VARS1: variants seen among roughly 807,000 people sequenced by gnomAD.
The protein encoded by VARS1 is valine--tRNA ligase.
A neutral mutation model predicts 161.0 loss-of-function variants in VARS1; 92 were observed. That is an observed-to-expected ratio of 0.57 (90% CI 0.48 to 0.68). The LOEUF (loss-of-function observed/expected upper bound fraction) is 0.68. Ranked by LOEUF, VARS1 falls within the 30% of genes least tolerant of loss-of-function variation. The pLI is 0.00. For synonymous variants in VARS1, 595 were observed against 682.5 expected (o/e 0.87, Z 2.00); for missense variants, 1,338 against 1,695.9 (o/e 0.79, Z 3.71).
In VARS1 at chr6:31,780,236, C is replaced by T. The variant is rs539995132; in HGVS notation, c.2926-83G>A. 46 of 1,578,480 alleles carry T rather than the reference C, an allele frequency of 2.9e-5. No homozygotes were observed. The Middle Eastern group carries it at 6.0e-4, about 21-fold the overall frequency. On this transcript the variant is annotated intron_variant, in intron 25 of 29. Coordinates refer to ENST00000375663, the MANE Select transcript of VARS1 (RefSeq NM_006295.3). The surrounding 1 kb of genome is among the most constrained non-coding windows in gnomAD (Gnocchi z 5.1). The stretch of plus-strand genomic sequence containing the variant: ...GGGGCAGGAGTCATGGGCAAATCTT[C>T]ATCCAGAGTCTGATGAGTCCAAAGC...
At position 31,777,661 on chromosome 6, in the gene VARS1, A is replaced by G; in HGVS notation, c.3728T>C (p.Leu1243Pro). The change falls in exon 30 of 30, where the codon CTC becomes CCC. Residue 1243 changes from leucine to proline, a missense_variant and splice_region_variant. Physicochemically the swap from Leu to Pro is moderately conservative, Grantham distance 98 (BLOSUM62 -3). Transcript: ENST00000375663. The surrounding 1 kb of genome is among the most constrained non-coding windows in gnomAD (Gnocchi z 5.8). ...CCTGAGCTCTGCTTCTGTCTGTTGG[A>G]GCTGGAGTGGAACCAGGGGGTGGGT... is the stretch of plus-strand genomic sequence containing the variant. ...LEVQEADEAKLQQTEAELRKV... is the reference protein window; with the variant it reads ...LEVQEADEAKPQQTEAELRKV... 1 of 1,613,384 alleles carries G rather than the reference A, an allele frequency of 6.2e-7. No homozygotes were observed. Among genetic ancestry groups the G allele is most frequent in the African/African-American group, 1.3e-5 (1 of 74,980 alleles).
chr6:31,791,950 T>G lies in VARS1; in HGVS notation c.893A>C (p.Asp298Ala), dbSNP rs1813896220. 6.3e-7 allele frequency: 1 copy of G among 1,597,230 alleles called. No individual in the cohort carries two copies. The highest frequency in any genetic ancestry group is 8.5e-7 in the Non-Finnish European group (1 of 1,170,758). Residue 298 changes from aspartate to alanine, a missense_variant, in exon 7 of 30, where the codon GAC (aspartate) becomes GCC (alanine). This residue lies in a region of VARS1 where 902 missense variants were observed against 1,090.3 expected (regional missense o/e 0.83). Transcript: ENST00000375663. This position sits in a 1 kb window ranked among gnomAD's most constrained non-coding sequence, Gnocchi z 5.0. The stretch of plus-strand genomic sequence containing the variant: ...CTCCACATACCGAGGGCTGTAGGAG[T>G]CGGGCATGGGGCCACTGACATCTGG... ...EKKDVSGPMP[D>A]SYSPRYVEAA...
At chr6:31,788,924 G>T (rs1813696728) in intron 8 of VARS1, among the ~76,000 whole-genome samples, 1 of 152,010 alleles carries the variant, frequency 6.6e-6, no homozygotes, top group African/African-American at 2.4e-5. Context: ...TCAGAGCAGA[G>T]GTGGCACATA....
In VARS1 at chr6:31,791,612, T is replaced by C; in HGVS notation, c.1098A>G (p.Arg366=). The C allele has an allele frequency of 6.2e-7, 1 of 1,609,572 alleles. No individual in the cohort carries two copies. The highest frequency in any genetic ancestry group is 8.5e-7 in the Non-Finnish European group (1 of 1,178,014). ...GGAAGGTGCAGATAGAAGCTCACCA[T>C]CGAGTCAGGGAGTCCTGGATGGCGT... ...LTNAIQDSLT[R]WHRMRGETTL... The change falls in exon 8 of 30, where the codon CGA becomes CGG. Residue 366 remains arginine, a splice_region_variant and synonymous_variant. Coordinates refer to ENST00000375663, the MANE Select transcript of VARS1 (RefSeq NM_006295.3). This position sits in a 1 kb window ranked among gnomAD's most constrained non-coding sequence, Gnocchi z 5.0.
At position 31,782,713 on chromosome 6, in the gene VARS1, A is replaced by G. The variant is rs1393495292; in HGVS notation, c.1887+8T>C. 1 of 1,612,992 alleles carries G rather than the reference A, an allele frequency of 6.2e-7. No individual in the cohort carries two copies. The highest frequency in any genetic ancestry group is 1.7e-5 in the Admixed American group (1 of 60,028). On this transcript the variant is annotated splice_region_variant and intron_variant, in intron 15 of 29. Transcript: ENST00000375663. This position sits in a 1 kb window ranked among gnomAD's most constrained non-coding sequence, Gnocchi z 8.3. Reference sequence around the variant, plus strand: ...TGACCCGGGCACTCTTGCCTCAGGCAGCCTCACCAGGAAAGGCGGAGGCAC... The same window carrying G: ...TGACCCGGGCACTCTTGCCTCAGGCGGCCTCACCAGGAAAGGCGGAGGCAC...
rs1042728852 is a variant in VARS1, at chr6:31,792,697, G to A, written c.661+60C>T. On this transcript the variant is annotated intron_variant, in intron 4 of 29. Coordinates refer to ENST00000375663, the MANE Select transcript of VARS1 (RefSeq NM_006295.3). ...CTGCCATTTCTAGGAAAAAAAGAAA[G>A]TGAGTTGCATGGAAGGCCCCAGGGA... 4.7e-5 allele frequency: 75 copies of A among 1,602,932 alleles called. No homozygotes were observed. In the Middle Eastern group the frequency reaches 8.3e-4, roughly 18 times the overall value.
chr6:31,784,157 A>G lies in VARS1; in HGVS notation c.1671+57T>C. 6.2e-7 allele frequency: 1 copy of G among 1,602,126 alleles called. No homozygotes were observed. Among genetic ancestry groups the G allele is most frequent in the Non-Finnish European group, 8.5e-7 (1 of 1,170,754 alleles). Reference sequence around the variant, plus strand: ...CCTAAGTCCAACCCCTCCACCCCATAAGGATGGGAGCCCTTTTTGGCCAGA... The same window carrying G: ...CCTAAGTCCAACCCCTCCACCCCATGAGGATGGGAGCCCTTTTTGGCCAGA... On this transcript the variant is annotated intron_variant, in intron 13 of 29. Transcript: ENST00000375663. This position sits in a 1 kb window ranked among gnomAD's most constrained non-coding sequence, Gnocchi z 6.1.
At position 31,783,146 on chromosome 6, in the gene VARS1, C is replaced by G; in HGVS notation, c.1712G>C (p.Arg571Pro). Residue 571 changes from arginine to proline, a missense_variant, in exon 14 of 30, where the codon CGG becomes CCG. By Grantham distance (103) the Arg-to-Pro change is moderately radical. Transcript: ENST00000375663. ...GKNVIHPFLSRSLPIVFDEFV... is the reference protein window; with the variant it reads ...GKNVIHPFLSPSLPIVFDEFV... ...TTCATCGAAGACAATGGGAAGGCTCCGAGACAGGAATGGGTGGATCACGTT... is the reference window on the plus strand; with the variant it reads ...TTCATCGAAGACAATGGGAAGGCTCGGAGACAGGAATGGGTGGATCACGTT... 1 of 1,612,780 alleles carries G rather than the reference C, an allele frequency of 6.2e-7. No individual in the cohort carries two copies. Among genetic ancestry groups the G allele is most frequent in the Non-Finnish European group, 8.5e-7 (1 of 1,179,952 alleles).
At position 31,781,781 on chromosome 6, in the gene VARS1, A is replaced by G. The variant is rs930599654; in HGVS notation, c.2348-20T>C. 2 of 1,613,042 alleles carry G rather than the reference A, an allele frequency of 1.2e-6. No individual in the cohort carries two copies. The highest frequency in any genetic ancestry group is 1.7e-6 in the Non-Finnish European group (2 of 1,180,012). Reference sequence around the variant, plus strand: ...CCTCATCTGAGAGAGGCCAAAGGTCAGAGGTCAGAGGGAGTGGAGCTCTGC... The same window carrying G: ...CCTCATCTGAGAGAGGCCAAAGGTCGGAGGTCAGAGGGAGTGGAGCTCTGC... On this transcript the variant is annotated intron_variant, in intron 19 of 29. Transcript: ENST00000375663. The surrounding 1 kb of genome is among the most constrained non-coding windows in gnomAD (Gnocchi z 6.8).
Position 31,785,438 on chromosome 6 carries a change from C to G in VARS1, c.1266-111G>C. On this transcript the variant is annotated intron_variant, in intron 9 of 29. Transcript: ENST00000375663. This position sits in a 1 kb window ranked among gnomAD's most constrained non-coding sequence, Gnocchi z 6.1. ...CATCCCCCTGAAATTTACCTGGGCC[C>G]TAGAGCCAACTGACTCTGCCTCTGT... is the stretch of plus-strand genomic sequence containing the variant. The G allele has an allele frequency of 1.3e-6, 2 of 1,535,040 alleles. No individual in the cohort carries two copies. Among genetic ancestry groups the G allele is most frequent in the Non-Finnish European group, 1.8e-6 (2 of 1,131,670 alleles).
intron 8 of VARS1, among the ~76,000 whole-genome samples, chr6:31,788,813 T>C (rs973084826): frequency 6.6e-6 from 1 of 151,124 alleles, no homozygotes; most frequent in Non-Finnish European, 1.5e-5. Context: ...TGTCTCAAAA[T>C]AATAATAATA....
rs1185000043 is a variant in VARS1 at position 31,792,824 on chromosome 6, T to G, written c.594A>C (p.Pro198=). The G allele has an allele frequency of 1.9e-6, 3 of 1,614,092 alleles. No homozygotes were observed. The African/African-American group carries it at 4.0e-5, about 22-fold the overall frequency. The part of the protein sequence containing the change: ...TRWFVTCVRQ[P]EFRAVLGEVV... ...CTTCTCCTAGCACGGCTCGGAATTC[T>G]GGCTGCCGGACACACGTGACAAACC... is the stretch of plus-strand genomic sequence containing the variant. Residue 198 remains proline, a synonymous_variant, in exon 4 of 30, where the codon CCA becomes CCC. Transcript: ENST00000375663.
At position 31,782,791 on chromosome 6, in the gene VARS1, C is replaced by T. The variant is rs774262494; in HGVS notation, c.1817G>A (p.Arg606Gln). 7.4e-6 allele frequency: 12 copies of T among 1,612,896 alleles called. No homozygotes were observed. Among genetic ancestry groups the T allele is most frequent in the Middle Eastern group, 1.6e-4 (1 of 6,084 alleles). ...GATGCTGATGGCCTCCAGCCCGTGC[C>T]GCTGCCCAACTTCATAGTCATTTTG... ...HDQNDYEVGQRHGLEAISIMD... is the reference protein window; with the variant it reads ...HDQNDYEVGQQHGLEAISIMD... The change falls in exon 15 of 30, where the codon CGG becomes CAG. Residue 606 changes from arginine (R) to glutamine (Q), a missense_variant. Coordinates refer to ENST00000375663, the MANE Select transcript of VARS1 (RefSeq NM_006295.3). The surrounding 1 kb of genome is among the most constrained non-coding windows in gnomAD (Gnocchi z 8.3).
chr6:31,790,473 G>A (rs1367872992), intron 8 of VARS1, among the ~76,000 whole-genome samples: 1 of 151,670 alleles, frequency 6.6e-6, no homozygotes. Context: ...GCGGTGGCAG[G>A]TGCCTGTAAT....
chr6:31,790,104 TAA>T (rs536213828), intron 8 of VARS1, among the ~76,000 whole-genome samples: 5 of 143,874 alleles, frequency 3.5e-5, no homozygotes, highest in Non-Finnish European at 6.1e-5. Context: ...GCTGATGAGC[TAA>T]AAAAAAAAAA....
chr6:31,792,390 A>G lies in VARS1; in HGVS notation c.786+2T>C. The G allele has an allele frequency of 6.2e-7, 1 of 1,612,896 alleles. No homozygotes were observed. Among genetic ancestry groups the G allele is most frequent in the Non-Finnish European group, 8.5e-7 (1 of 1,179,760 alleles). On this transcript the variant is annotated splice_donor_variant, in intron 5 of 29. Coordinates refer to ENST00000375663, the MANE Select transcript of VARS1 (RefSeq NM_006295.3). LOFTEE classifies it high-confidence loss of function. ...TTCCTTCCAGCTCCACCCTCGCCTC[A>G]CCTCCCCTGGAGGTGGCTGCTGCTG...
At chr6:31,783,230 C>A in intron 13 of VARS1, 44 bp from the exon 14 acceptor site, 1 of 1,584,726 alleles carries the variant, frequency 6.3e-7, no homozygotes, top group South Asian at 1.1e-5. Flanking sequence ...CAGGGCCAGA[C>A]GCCGTGATTC....
At chr6:31,783,811 G>T (rs12213415) in intron 13 of VARS1, among the ~76,000 whole-genome samples, 1 of 151,838 alleles carries the variant, frequency 6.6e-6, no homozygotes, top group Non-Finnish European at 1.5e-5. Flanking sequence ...ACAGGCACCC[G>T]CCACTACAAC....
intron 8 of VARS1, among the ~76,000 whole-genome samples, chr6:31,789,112 T>C (rs897571310): frequency 4.6e-5 from 7 of 152,068 alleles, no homozygotes; most frequent in African/African-American, 1.7e-4. Context: ...CTAATTAAAA[T>C]ATTAACAGTG....
Sources: gnomAD v4.1 joint callset for allele counts (sites outside exome capture counted in the v4.1 genomes callset) on GRCh38, gnomAD v4.1.1 for gene constraint, gnomAD v4.1.1 regional missense constraint, Gnocchi (gnomAD v3.1) non-coding constraint, MANE v1.5 for transcripts, NCBI Gene and HGNC (gene_info 2026-07-23, HGNC 2026-07-21) for gene names.